The following GNB4 variants were observed in gnomAD, a reference collection of about 807,000 sequenced individuals.
The protein encoded by GNB4 is G protein subunit beta 4, also known as guanine nucleotide-binding protein subunit beta-4.
In GNB4, 28 loss-of-function variants were observed where a neutral mutation model predicts 45.2. That is an observed-to-expected ratio of 0.62 (90% CI 0.46 to 0.85). GNB4 has a LOEUF of 0.85. GNB4 is among the 40% of genes least tolerant of loss of function. The probability of loss-of-function intolerance (pLI) is 0.00; values close to 1 mark genes in which losing one functional copy is unlikely to be tolerated. For missense variants in GNB4, 321 were observed against 425.4 expected (o/e 0.75, Z 2.16); for synonymous variants, 132 against 143.7 (o/e 0.92, Z 0.58).
At chr3:179,501,490 A>AT in the GNB4 span, among the ~76,000 whole-genome samples, 72,666 of 144,548 alleles carry the variant, frequency 0.5, 18,786 homozygotes, top group Middle Eastern at 0.65. Flanking sequence ...TTTGGTTTGG[A>AT]TTTTTTTTTT....
upstream of GNB4, among the ~76,000 whole-genome samples, chr3:179,453,812 T>C (rs1174315218): frequency 1.3e-5 from 2 of 151,806 alleles, no homozygotes; most frequent in East Asian, 3.9e-4. Flanking sequence ...AAGAATATTG[T>C]ATTTCTGTTT....
At chr3:179,474,074 C>G in the GNB4 span, among the ~76,000 whole-genome samples, 19 of 152,166 alleles carry the variant, frequency 1.2e-4, no homozygotes, top group African/African-American at 3.9e-4. Context: ...CCTGTAATCC[C>G]AACACTTTGG....
intron 1 of GNB4, chr3:179,437,894 C>A (rs1715499682): frequency 1.3e-5 from 2 of 152,016 alleles, no homozygotes; most frequent in Admixed American, 6.6e-5. Context: ...TGGCAGGTAT[C>A]CATCTCTACA....
At chr3:179,513,695 T>C in the GNB4 span, among the ~76,000 whole-genome samples, 3 of 152,210 alleles carry the variant, frequency 2.0e-5, no homozygotes. Context: ...CTTCATAACA[T>C]CAATGTTCTC....
the GNB4 span, chr3:179,464,745 C>T: frequency 8.7e-7 from 1 of 1,143,840 alleles, no homozygotes; most frequent in Non-Finnish European, 1.3e-6. Flanking sequence ...TGTTCAGCTG[C>T]CTCTTCCAGA....
the GNB4 span, among the ~76,000 whole-genome samples, chr3:179,497,368 C>T: frequency 6.6e-6 from 1 of 152,086 alleles, no homozygotes; most frequent in African/African-American, 2.4e-5. Flanking sequence ...GAATTAAAAA[C>T]TTAATCATAA....
At chr3:179,420,841 ATTATT>A (rs765153491) in intron 3 of GNB4, 43 bp downstream of exon 3, 15 of 1,213,470 alleles carry the variant, frequency 1.2e-5, no homozygotes, top group Non-Finnish European at 1.6e-5. Context: ...TCTATGTCAA[ATTATT>A]TTATGAGTTA....
chr3:179,406,310 C>T (rs1389064840), intron 8 of GNB4, among the ~76,000 whole-genome samples: 2 of 152,192 alleles, frequency 1.3e-5, no homozygotes, highest in African/African-American at 2.4e-5. Context: ...TAATCATTTA[C>T]GTGTAATGCC....
chr3:179,400,728 T>A lies in GNB4; in HGVS notation c.*485A>T, dbSNP rs1257273245. The A allele has an allele frequency of 6.6e-6, 1 of 152,274 alleles. No homozygotes were observed. The highest frequency in any genetic ancestry group is 1.5e-5 in the Non-Finnish European group (1 of 68,140). The allele number at this position is 152,274 out of a possible 1,614,324, so 9.4% of individuals were successfully genotyped here. ...ATGAAGCTATCAGGATCTCTTAGAT[T>A]CAAAGAGATATCAGAATTCAAGGGG... On this transcript the variant is annotated 3_prime_UTR_variant, in exon 10 of 10. Coordinates refer to ENST00000232564, the MANE Select transcript of GNB4 (RefSeq NM_021629.4).
chr3:179,455,133 G>T (rs889626016), upstream of GNB4, among the ~76,000 whole-genome samples: 3 of 152,136 alleles, frequency 2.0e-5, no homozygotes, highest in African/African-American at 4.8e-5. Context: ...TCAGGTTCTC[G>T]TTAACCATGG....
chr3:179,402,771 A>G (rs1254578828), intron 9 of GNB4, among the ~76,000 whole-genome samples: 1 of 152,222 alleles, frequency 6.6e-6, no homozygotes, highest in Non-Finnish European at 1.5e-5. Flanking sequence ...TCTCTGGAAC[A>G]GGTAGGGGCA....
At chr3:179,522,087 G>A in the GNB4 span, among the ~76,000 whole-genome samples, 7 of 152,008 alleles carry the variant, frequency 4.6e-5, no homozygotes, top group Admixed American at 4.6e-4. Context: ...GGAATGTCAG[G>A]CCTCTGAGCC....
chr3:179,445,698 CA>C (rs1715704250), intron 1 of GNB4, among the ~76,000 whole-genome samples: 2 of 152,216 alleles, frequency 1.3e-5, no homozygotes, highest in Non-Finnish European at 2.9e-5. Flanking sequence ...TGCATTCATA[CA>C]GTGAAATATT....
chr3:179,503,248 G>GT, the GNB4 span, among the ~76,000 whole-genome samples: 2 of 152,182 alleles, frequency 1.3e-5, no homozygotes, highest in Non-Finnish European at 2.9e-5. Context: ...AGGTATAGTG[G>GT]TAAAACATAC....
At chr3:179,431,237 ACTTT>A (rs1715299924) in intron 1 of GNB4, among the ~76,000 whole-genome samples, 1 of 152,060 alleles carries the variant, frequency 6.6e-6, no homozygotes, top group Non-Finnish European at 1.5e-5. Context: ...GCTCTTTTGC[ACTTT>A]CTGACATTGA....
chr3:179,401,153 A>G lies in GNB4; in HGVS notation c.*60T>C. Reference sequence around the variant, plus strand: ...TATAAGGTAGAATTTTTTCACAGCTATAGGCTGTAGCATTGATTTCTCCAG... The same window carrying G: ...TATAAGGTAGAATTTTTTCACAGCTGTAGGCTGTAGCATTGATTTCTCCAG... On this transcript the variant is annotated 3_prime_UTR_variant, in exon 10 of 10. Transcript: ENST00000232564. 4 of 1,199,346 alleles carry G rather than the reference A, an allele frequency of 3.3e-6. No homozygotes were observed. Among genetic ancestry groups the G allele is most frequent in the Non-Finnish European group, 4.8e-6 (4 of 830,808 alleles). The allele number at this position is 1,199,346 out of a possible 1,614,324, so 74.3% of individuals were successfully genotyped here.
the GNB4 span, among the ~76,000 whole-genome samples, chr3:179,492,795 C>T: frequency 6.6e-6 from 1 of 152,162 alleles, no homozygotes; most frequent in Admixed American, 6.5e-5. Flanking sequence ...CAAGAAAGAT[C>T]CCTTCAGTTA....
chr3:179,509,316 A>G, the GNB4 span, among the ~76,000 whole-genome samples: 1 of 152,104 alleles, frequency 6.6e-6, no homozygotes, highest in Non-Finnish European at 1.5e-5. Context: ...ACCCAAAGAG[A>G]TTAATTTGTA....
rs1026839936 is a variant in GNB4 at position 179,411,121 on chromosome 3, C to T, written c.699+2291G>A. 3.3e-5 allele frequency among the ~76,000 whole-genome samples: 5 copies of T among 152,076 alleles called. No individual in the cohort carries two copies. The East Asian group carries it at 9.7e-4, about 29-fold the overall frequency. On this transcript the variant is annotated intron_variant, in intron 8 of 9. Coordinates refer to ENST00000232564, the MANE Select transcript of GNB4 (RefSeq NM_021629.4). ...TAATGAAATTAATAATCACAGTTTA[C>T]AATTATTAAGTGTCTTTACTGCTGA... is the stretch of plus-strand genomic sequence containing the variant.
Sources: allele counts gnomAD v4.1 joint callset (sites outside exome capture counted in the v4.1 genomes callset), GRCh38; gene constraint gnomAD v4.1.1; transcripts MANE v1.5; gene names NCBI Gene and HGNC (gene_info 2026-07-23, HGNC 2026-07-21).